The following CYP24A1 variants were observed in gnomAD, a reference collection of about 807,000 sequenced individuals.
CYP24A1 encodes 1,25-dihydroxyvitamin D(3) 24-hydroxylase, mitochondrial.
Under a neutral mutation model 62.4 loss-of-function variants are expected in CYP24A1, and 68 were observed. That is an observed-to-expected ratio of 1.09 (90% confidence interval 0.90 to 1.33). CYP24A1 has a LOEUF of 1.33. Among genes scored for constraint, CYP24A1 ranks in the 40% most tolerant of loss-of-function variants. The pLI, the probability that CYP24A1 is intolerant of heterozygous loss-of-function variation, is 0.00. For synonymous variants in CYP24A1, 267 were observed against 253.0 expected, an observed-to-expected ratio of 1.06 and a Z score of -0.52; for missense variants, 787 against 653.0, an observed-to-expected ratio of 1.21 and a Z score of -2.24.
chr20:54,158,546 G>T (rs1474912813), intron 8 of CYP24A1, among the ~76,000 whole-genome samples: 1 of 152,092 alleles, frequency 6.6e-6, no homozygotes, highest in Non-Finnish European at 1.5e-5. Context: ...TGTGAGTTTT[G>T]TTTTCCCAAA....
In CYP24A1 at chr20:54,157,250, G is replaced by T. The variant is rs779409222; in HGVS notation, c.1474C>A (p.Pro492Thr). ...GTGCCTGAGTGTAGCATCTCAACAG[G>T]CTCATTGTCTGTGGCCTGGATGTCG... ...KYDIQATDNE[P>T]VEMLHSGTLV... The change falls in exon 11 of 12, where the codon CCT becomes ACT. Residue 492 changes from proline (P) to threonine (T), a missense_variant. Transcript: ENST00000216862. 1.9e-6 allele frequency: 3 copies of T among 1,612,674 alleles called. No individual in the cohort carries two copies. In the African/African-American group the frequency reaches 4.0e-5, roughly 22 times the overall value.
chr20:54,152,774 T>C (rs971369228), downstream of CYP24A1, among the ~76,000 whole-genome samples: 3 of 152,058 alleles, frequency 2.0e-5, no homozygotes, highest in Admixed American at 2.0e-4. Flanking sequence ...ATCGGATCTT[T>C]ACGTAAGAGC....
chr20:54,173,348 C>G lies in CYP24A1; in HGVS notation c.232G>C (p.Gly78Arg). Residue 78 changes from glycine to arginine, a missense_variant, in exon 1 of 12, where the codon GGT becomes CGT. Physicochemically the swap from Gly to Arg is moderately radical, Grantham distance 125. Transcript: ENST00000216862. This position sits in a 1 kb window ranked among gnomAD's most constrained non-coding sequence, Gnocchi z 7.2. ...GSLLQILWKG[G>R]LKKQHDTLVE... ...AGGGTGTCGTGCTGTTTCTTGAGAC[C>G]CCCTTTCCAGAGAATCTGCAGCAGG... 6.2e-7 allele frequency: 1 copy of G among 1,607,374 alleles called. No homozygotes were observed. The highest frequency in any genetic ancestry group is 8.5e-7 in the Non-Finnish European group (1 of 1,176,234).
intron 4 of CYP24A1, 119 bp downstream of exon 4, chr20:54,169,473 G>A (rs2092686137): frequency 1.9e-6 from 3 of 1,561,250 alleles, no homozygotes; most frequent in Non-Finnish European, 2.6e-6. Context: ...TAAAAGGGCT[G>A]CTCTGGCCTT....
downstream of CYP24A1, among the ~76,000 whole-genome samples, chr20:54,150,653 A>G (rs981176296): frequency 1.3e-5 from 2 of 152,146 alleles, no homozygotes; most frequent in Non-Finnish European, 2.9e-5. Context: ...TAAAGTTGTT[A>G]ACTTCACCAG....
At chr20:54,169,488 T>C in intron 4 of CYP24A1, 104 bp downstream of exon 4, 1 of 1,583,870 alleles carries the variant, frequency 6.3e-7, no homozygotes. Flanking sequence ...GGCCTTTCCC[T>C]AGGCAGCAAT....
chr20:54,152,476 G>A (rs1207153478), downstream of CYP24A1, among the ~76,000 whole-genome samples: 4 of 152,206 alleles, frequency 2.6e-5, no homozygotes, highest in East Asian at 1.9e-4. Context: ...AATGAATCCC[G>A]GTGCTGGGGA....
Position 54,159,107 on chromosome 20 carries a change from A to G in CYP24A1, c.1007T>C (p.Met336Thr), listed in dbSNP as rs1568967049. The change falls in exon 8 of 12, where the codon ATG becomes ACG. Residue 336 changes from methionine to threonine, a missense_variant. Met to Thr is a moderately conservative substitution (Grantham distance 81). Coordinates refer to ENST00000216862, the MANE Select transcript of CYP24A1 (RefSeq NM_000782.5). ...ACGGGATAAATTGTAGAGAATCCAC[A>G]TTAGACTGTTTGCTGTCTGCAAGCC... ...AAVETTANSLMWILYNLSRNP... is the reference protein window; with the variant it reads ...AAVETTANSLTWILYNLSRNP... The G allele has an allele frequency of 1.9e-6, 3 of 1,613,914 alleles. No homozygotes were observed. Among genetic ancestry groups the G allele is most frequent in the Non-Finnish European group, 2.5e-6 (3 of 1,179,772 alleles).
At chr20:54,147,331 G>T in the CYP24A1 span, among the ~76,000 whole-genome samples, 1 of 152,212 alleles carries the variant, frequency 6.6e-6, no homozygotes, top group Non-Finnish European at 1.5e-5. Flanking sequence ...AATGCAATGA[G>T]ATGCCCTAAA....
At chr20:54,158,250 A>G in intron 8 of CYP24A1, 86 bp from the exon 9 acceptor site, 1 of 1,588,014 alleles carries the variant, frequency 6.3e-7, no homozygotes, top group Non-Finnish European at 8.6e-7. Context: ...TGGATTAAAT[A>G]AATGCTGCCC....
intron 6 of CYP24A1, among the ~76,000 whole-genome samples, chr20:54,163,393 A>G (rs2092659735): frequency 1.3e-5 from 2 of 152,240 alleles, no homozygotes; most frequent in African/African-American, 2.4e-5. Context: ...TTATAACATA[A>G]AATCTAGGCG....
the CYP24A1 span, among the ~76,000 whole-genome samples, chr20:54,146,585 T>A: frequency 6.6e-6 from 1 of 152,260 alleles, no homozygotes; most frequent in African/African-American, 2.4e-5. Flanking sequence ...TTTTCAAGTA[T>A]GTCATCAACT....
intron 7 of CYP24A1, among the ~76,000 whole-genome samples, chr20:54,161,240 G>A (rs192246768): frequency 3.5e-4 from 54 of 152,292 alleles, no homozygotes; most frequent in Non-Finnish European, 6.9e-4. Flanking sequence ...TACCTGCAGC[G>A]CTCTTCCACG....
intron 4 of CYP24A1, 90 bp downstream of exon 4, chr20:54,169,502 G>A (rs1320671511): frequency 5.0e-6 from 8 of 1,599,302 alleles, no homozygotes; most frequent in Non-Finnish European, 6.0e-6. Flanking sequence ...CAGCAATAAT[G>A]CCTGTTTACA....
rs746821511 is a variant in CYP24A1, at chr20:54,164,508, A to G, written c.788T>C (p.Leu263Pro). The change falls in exon 6 of 12, where the codon CTC (leucine) becomes CCC (proline). Residue 263 changes from leucine (L) to proline (P), a missense_variant. Coordinates refer to ENST00000216862, the MANE Select transcript of CYP24A1 (RefSeq NM_000782.5). Reference sequence around the variant, plus strand: ...GTGGTCCTGCCAGACCTTGGTGTTGAGGCTCTTGTGCAGCTCGACTGGAGT... The same window carrying G: ...GTGGTCCTGCCAGACCTTGGTGTTGGGGCTCTTGTGCAGCTCGACTGGAGT... ...MVTPVELHKSLNTKVWQDHTL... is the reference protein window; with the variant it reads ...MVTPVELHKSPNTKVWQDHTL... 1 of 1,614,104 alleles carries G rather than the reference A, an allele frequency of 6.2e-7. No homozygotes were observed. Among genetic ancestry groups the G allele is most frequent in the East Asian group, 2.2e-5 (1 of 44,874 alleles).
At chr20:54,158,863 AG>A in intron 8 of CYP24A1, 93 bp downstream of exon 8, 1 of 1,600,394 alleles carries the variant, frequency 6.2e-7, no homozygotes, top group Non-Finnish European at 8.5e-7. Flanking sequence ...CTAATTAGCT[AG>A]GGGAAGCCGC....
intron 7 of CYP24A1, among the ~76,000 whole-genome samples, chr20:54,159,603 T>C (rs2762935): frequency 0.28 from 42,533 of 151,956 alleles, 6,297 homozygotes; most frequent in South Asian, 0.33. Context: ...CCATGTTGGC[T>C]AGGCTGGTCT....
chr20:54,172,590 G>T (rs1389442748), intron 2 of CYP24A1, among the ~76,000 whole-genome samples: 2 of 152,216 alleles, frequency 1.3e-5, no homozygotes, highest in Non-Finnish European at 2.9e-5. Context: ...GCTGACTTCA[G>T]AACCTCATCC....
At chr20:54,168,860 T>TTCCCTCCCTCCCTCCCTCCC (rs1491481950) in intron 4 of CYP24A1, among the ~76,000 whole-genome samples, 1 of 38,974 alleles carries the variant, frequency 2.6e-5, no homozygotes, top group Non-Finnish European at 4.9e-5. Flanking sequence ...CCTTCCTTCC[T>TTCCCTCCCTCCCTCCCTCCC]TCCTTCCTTC....
Sources: allele counts gnomAD v4.1 joint callset (sites outside exome capture counted in the v4.1 genomes callset), GRCh38; gene constraint gnomAD v4.1.1; non-coding constraint Gnocchi (gnomAD v3.1); transcripts MANE v1.5; gene names NCBI Gene and HGNC (gene_info 2026-07-23, HGNC 2026-07-21).